KIF3C: variants seen among roughly 807,000 people sequenced by gnomAD.
KIF3C encodes the protein kinesin family member 3C.
A neutral mutation model predicts 67.7 loss-of-function variants in KIF3C; 12 were observed. That is an observed-to-expected ratio of 0.18 (90% CI 0.11 to 0.29). The LOEUF (loss-of-function observed/expected upper bound fraction) is 0.29, where lower values mean the gene tolerates loss of function less well. Among genes scored for constraint, KIF3C ranks in the 10% least tolerant of loss-of-function variants. The pLI is 1.00. For missense variants in KIF3C, 789 were observed against 1,059.6 expected, an observed-to-expected ratio of 0.74 and a Z score of 3.55; for synonymous variants, 393 against 426.2, an observed-to-expected ratio of 0.92 and a Z score of 0.96.
intron 5 of KIF3C, 30 bp from the exon 6 acceptor site, chr2:25,930,093 T>C (rs747692963): frequency 8.3e-6 from 13 of 1,565,550 alleles, no homozygotes; most frequent in South Asian, 1.1e-5. Context: ...TTAGAAAGGA[T>C]TTCTGTGGAA....
At chr2:25,929,246 C>T (rs1225417102) in intron 7 of KIF3C, 59 bp downstream of exon 7, 14 of 1,562,642 alleles carry the variant, frequency 9.0e-6, no homozygotes, top group Middle Eastern at 1.7e-4. Context: ...CATCACCCAG[C>T]GCCTGCAGTT....
intron 1 of KIF3C, among the ~76,000 whole-genome samples, chr2:25,974,692 C>A (rs1664365990): frequency 6.6e-6 from 1 of 152,038 alleles, no homozygotes; most frequent in South Asian, 2.1e-4. Context: ...GAGGAGACCT[C>A]GATCTGGGAG....
intron 1 of KIF3C, among the ~76,000 whole-genome samples, chr2:25,967,352 T>A (rs1031695548): frequency 2.0e-5 from 3 of 152,266 alleles, no homozygotes; most frequent in African/African-American, 7.2e-5. Context: ...TGTGGTGGAA[T>A]GATATAAAGG....
chr2:25,954,054 A>G (rs950407044), intron 4 of KIF3C: 12 of 566,694 alleles, frequency 2.1e-5, no homozygotes, highest in Admixed American at 1.2e-4. Flanking sequence ...TTTGGCCAGC[A>G]CCTAGCGTCC....
intron 5 of KIF3C, among the ~76,000 whole-genome samples, chr2:25,937,440 C>T (rs1289819739): frequency 1.3e-5 from 2 of 152,040 alleles, no homozygotes; most frequent in Non-Finnish European, 2.9e-5. Context: ...GCTGGGTCTG[C>T]AGCTGAGCTT....
At position 25,981,989 on chromosome 2, in the gene KIF3C, T is replaced by G; in HGVS notation, c.-72A>C. 5.3e-6 allele frequency: 7 copies of G among 1,309,572 alleles called. No individual in the cohort carries two copies. Among genetic ancestry groups the G allele is most frequent in the Non-Finnish European group, 7.2e-6 (7 of 972,038 alleles). The allele number at this position is 1,309,572 out of a possible 1,614,324, so 81.1% of individuals were successfully genotyped here. A position where few individuals can be genotyped will look rare whatever the true frequency, so the allele number is the denominator to read the frequency against. On this transcript the variant is annotated 5_prime_UTR_variant, in exon 1 of 8. Coordinates refer to ENST00000264712, the MANE Select transcript of KIF3C (RefSeq NM_002254.8). This position sits in a 1 kb window ranked among gnomAD's most constrained non-coding sequence, Gnocchi z 8.2. ...CGGTCCTGCTATCCTGCTCGCTAGGTCGGGATCAGCGGGGCCGGCCCAGCC... is the reference window on the plus strand; with the variant it reads ...CGGTCCTGCTATCCTGCTCGCTAGGGCGGGATCAGCGGGGCCGGCCCAGCC...
At position 25,963,022 on chromosome 2, in the gene KIF3C, TATATAATATATA is replaced by T. The variant is rs1664034250; in HGVS notation, c.1546-6590_1546-6579del. Among the ~76,000 whole-genome samples, 7 of 60,672 alleles carry T rather than the reference TATATAATATATA, an allele frequency of 1.2e-4. No homozygotes were observed. The South Asian group carries it at 1.2e-3, about 10-fold the overall frequency. 39.8% of individuals were successfully genotyped at this position (60,672 alleles called of 152,430 possible). ...AATATATAATATATAATATATATAATATATAATATATAATATATAATATATAAATATATAAAT... is the reference window on the plus strand; with the variant it reads ...AATATATAATATATAATATATATAATATATATAATATATAAATATATAAAT... On this transcript the variant is annotated intron_variant, in intron 1 of 7. Coordinates refer to ENST00000264712, the MANE Select transcript of KIF3C (RefSeq NM_002254.8).
intron 5 of KIF3C, among the ~76,000 whole-genome samples, chr2:25,945,564 C>CAAAAAAAAA (rs10581291): frequency 1.5e-5 from 1 of 67,374 alleles, no homozygotes; most frequent in Non-Finnish European, 3.0e-5. Context: ...GAGAATATCT[C>CAAAAAAAAA]AAAAAAAAAA....
Position 25,948,648 on chromosome 2 carries a change from GAGAGAA to G in KIF3C, c.2006+3135_2006+3140del, listed in dbSNP as rs1311676869. On this transcript the variant is annotated intron_variant, in intron 5 of 7. Coordinates refer to ENST00000264712, the MANE Select transcript of KIF3C (RefSeq NM_002254.8). ...AGAGAAAGAGAGAGAGAAAGAGAAAGAGAGAAAGAGAAAGAGAGAAAGAGAGAGAGA... is the reference window on the plus strand; with the variant it reads ...AGAGAAAGAGAGAGAGAAAGAGAAAGAGAGAAAGAGAGAAAGAGAGAGAGA... Among the ~76,000 whole-genome samples, 16 of 146,770 alleles carry G rather than the reference GAGAGAA, an allele frequency of 1.1e-4. No homozygotes were observed. The South Asian group carries it at 2.6e-3, about 24-fold the overall frequency.
chr2:25,934,023 T>A (rs915571327), intron 5 of KIF3C: 4 of 404,722 alleles, frequency 9.9e-6, no homozygotes, highest in Non-Finnish European at 2.0e-5. Context: ...TAGAGTGGAA[T>A]ATTACTCACC....
rs560206013 is a variant in KIF3C at position 25,950,934 on chromosome 2, GA to G, written c.2006+854del. 3.8e-3 allele frequency among the ~76,000 whole-genome samples: 561 copies of G among 148,144 alleles called. 2 individuals carry two copies. The highest frequency in any genetic ancestry group is 6.0e-3 in the Non-Finnish European group (403 of 66,790). The stretch of plus-strand genomic sequence containing the variant: ...GAAGAAGAAAAGAAAAGGAAGAAAG[GA>G]AAAAAAAAATAACCAAGTAGGCATC... On this transcript the variant is annotated intron_variant, in intron 5 of 7. Transcript: ENST00000264712.
chr2:25,954,311 G>A lies in KIF3C; in HGVS notation c.1845C>T (p.Asp615=). 1 of 1,614,098 alleles carries A rather than the reference G, an allele frequency of 6.2e-7. No homozygotes were observed. Among genetic ancestry groups the A allele is most frequent in the Middle Eastern group, 1.6e-4 (1 of 6,062 alleles). The part of the protein sequence containing the change: ...QHDEYIRVRQ[D]LEEAQNEQTR... Reference sequence around the variant, plus strand: ...TCTGCTCGTTCTGCGCCTCCTCCAGGTCCTGCCGCACGCGGATATACTCAT... The same window carrying A: ...TCTGCTCGTTCTGCGCCTCCTCCAGATCCTGCCGCACGCGGATATACTCAT... Residue 615 remains aspartate (D), a synonymous_variant, in exon 4 of 8, where the codon GAC becomes GAT. Coordinates refer to ENST00000264712, the MANE Select transcript of KIF3C (RefSeq NM_002254.8).
At chr2:25,935,059 C>A (rs1171009261) in intron 5 of KIF3C, among the ~76,000 whole-genome samples, 2 of 152,022 alleles carry the variant, frequency 1.3e-5, no homozygotes, top group African/African-American at 4.8e-5. Context: ...GCCTAGCCAA[C>A]ATGGTGAAAC....
At chr2:25,939,655 A>C (rs1011038506) in intron 5 of KIF3C, among the ~76,000 whole-genome samples, 17 of 152,258 alleles carry the variant, frequency 1.1e-4, no homozygotes, top group Middle Eastern at 3.4e-3. Context: ...CTCTCTCTTT[A>C]AACCCAGAGG....
intron 5 of KIF3C, among the ~76,000 whole-genome samples, chr2:25,949,003 G>C (rs1001744867): frequency 6.6e-6 from 1 of 152,198 alleles, no homozygotes; most frequent in African/African-American, 2.4e-5. Flanking sequence ...ACTGCAGGTG[G>C]GGAGGGAGGG....
chr2:25,949,781 C>T (rs1022239295), intron 5 of KIF3C, among the ~76,000 whole-genome samples: 2 of 151,624 alleles, frequency 1.3e-5, no homozygotes, highest in East Asian at 4.0e-4. Flanking sequence ...ACCAGCCTGG[C>T]CAACATGGTG....
rs976918059 is a variant in KIF3C at position 25,928,279 on chromosome 2, G to A, written c.*699C>T. 3.3e-5 allele frequency: 5 copies of A among 152,232 alleles called. No homozygotes were observed. Among genetic ancestry groups the A allele is most frequent in the African/African-American group, 1.2e-4 (5 of 41,448 alleles). The allele number at this position is 152,232 out of a possible 1,614,324, so 9.4% of individuals were successfully genotyped here. ...ATTTCCTGCAGGTTCCAAGGCGATG[G>A]TAATTGCTTGGTCCACAGTTCCCAT... On this transcript the variant is annotated 3_prime_UTR_variant, in exon 8 of 8. Coordinates refer to ENST00000264712, the MANE Select transcript of KIF3C (RefSeq NM_002254.8).
At chr2:25,970,235 C>G (rs536268495) in intron 1 of KIF3C, among the ~76,000 whole-genome samples, 121 of 152,222 alleles carry the variant, frequency 7.9e-4, no homozygotes, top group African/African-American at 2.8e-3. Flanking sequence ...GACATGGGCT[C>G]GTAACTCTGG....
At chr2:25,957,007 C>G (rs1165996237) in intron 1 of KIF3C, among the ~76,000 whole-genome samples, 1 of 152,092 alleles carries the variant, frequency 6.6e-6, no homozygotes, top group African/African-American at 2.4e-5. Flanking sequence ...TGGAGAGGGC[C>G]GGGAAGACTT....
Sources: gnomAD v4.1 joint callset for allele counts (sites outside exome capture counted in the v4.1 genomes callset) on GRCh38, gnomAD v4.1.1 for gene constraint, Gnocchi (gnomAD v3.1) non-coding constraint, MANE v1.5 for transcripts, NCBI Gene and HGNC (gene_info 2026-07-23, HGNC 2026-07-21) for gene names.